The following SECISBP2 variants were observed in gnomAD, a reference collection of about 807,000 sequenced individuals.
SECISBP2 encodes SECIS binding protein 2.
In SECISBP2, 96 loss-of-function variants were observed where a neutral mutation model predicts 98.2. The observed-to-expected ratio is 0.98, with a 90% confidence interval of 0.83 to 1.16. The LOEUF (loss-of-function observed/expected upper bound fraction) is 1.16, where lower values mean the gene tolerates loss of function less well. Among genes scored for constraint, SECISBP2 ranks in the 50% most tolerant of loss-of-function variants. The pLI, the probability that SECISBP2 is intolerant of heterozygous loss-of-function variation, is 0.00. For missense variants in SECISBP2, 1,046 were observed against 1,022.9 expected (o/e 1.02, Z -0.31); for synonymous variants, 407 against 370.2 (o/e 1.10, Z -1.14).
rs149310114 is a variant in SECISBP2 at position 89,358,605 on chromosome 9, A to G, written c.2462-116A>G. 1.5e-4 allele frequency: 113 copies of G among 752,128 alleles called. 1 individual carries two copies. The East Asian group carries it at 2.8e-3, about 19-fold the overall frequency. 46.6% of individuals were successfully genotyped at this position (752,128 alleles called of 1,614,324 possible). On this transcript the variant is annotated intron_variant, in intron 16 of 16. Coordinates refer to ENST00000375807, the MANE Select transcript of SECISBP2 (RefSeq NM_024077.5). ...AATGTCTGCCAGGGCACCTCTGAGC[A>G]CCGTGAGCTGCTGGGCAGTGGCCAC...
intron 14 of SECISBP2, 139 bp from the exon 15 acceptor site, chr9:89,357,272 C>CTTGTATT: frequency 1.1e-6 from 1 of 903,742 alleles, no homozygotes; most frequent in South Asian, 1.4e-5. Flanking sequence ...TTGCTTTCTC[C>CTTGTATT]TTGTATTTTC....
At chr9:89,363,254 A>G (rs1276913617), downstream of SECISBP2, among the ~76,000 whole-genome samples, 1 of 146,896 alleles carries the variant, frequency 6.8e-6, no homozygotes, top group East Asian at 2.2e-4. Context: ...TCTCAGCAAC[A>G]AGACGTGGGA....
chr9:89,318,782 C>A, intron 1 of SECISBP2, 170 bp downstream of exon 1: 1 of 1,249,076 alleles, frequency 8.0e-7, no homozygotes, highest in Non-Finnish European at 1.0e-6. Context: ...GCCTCGGGTC[C>A]GCCTTGGGGT....
At chr9:89,338,624 G>T in intron 8 of SECISBP2, 44 bp downstream of exon 8, 2 of 1,584,624 alleles carry the variant, frequency 1.3e-6, no homozygotes, top group Non-Finnish European at 1.7e-6. Context: ...ATAATAAGTG[G>T]GTCTTTCTTA....
chr9:89,322,620 A>G (rs1355907188), intron 2 of SECISBP2: 1 of 152,242 alleles, frequency 6.6e-6, no homozygotes, highest in East Asian at 1.9e-4. Flanking sequence ...CCATCTGCCA[A>G]TATACTGTGA....
downstream of SECISBP2, chr9:89,361,460 CAAG>C (rs368738848): frequency 2.0e-5 from 3 of 152,134 alleles, no homozygotes; most frequent in African/African-American, 4.8e-5. Flanking sequence ...ATTCAACAGA[CAAG>C]AAGAGACGTG....
intron 10 of SECISBP2, among the ~76,000 whole-genome samples, chr9:89,343,056 T>A (rs984571311): frequency 3.3e-5 from 5 of 152,180 alleles, no homozygotes; most frequent in African/African-American, 9.7e-5. Context: ...TGTAGAAGTG[T>A]CCTGAGTTTC....
intron 14 of SECISBP2, chr9:89,354,803 G>T (rs916021668): frequency 1.0e-6 from 1 of 985,294 alleles, no homozygotes; most frequent in Non-Finnish European, 1.2e-6. Flanking sequence ...CCCGGGAGCT[G>T]GGGTGGACAC....
chr9:89,328,466 G>T (rs1464788771), intron 4 of SECISBP2, among the ~76,000 whole-genome samples, 194 bp from the exon 5 acceptor site: 2 of 152,202 alleles, frequency 1.3e-5, no homozygotes, highest in African/African-American at 2.4e-5. Context: ...CAACCAGAGT[G>T]ATTGATACTT....
At chr9:89,350,588 TCA>T (rs1491446593) in intron 13 of SECISBP2, 42 bp from the exon 14 acceptor site, 10 of 1,553,312 alleles carry the variant, frequency 6.4e-6, no homozygotes, top group Non-Finnish European at 8.9e-6. Flanking sequence ...TGCTGCAGTG[TCA>T]CAGCCAGTGG....
chr9:89,340,355 G>A (rs1028717130), intron 9 of SECISBP2, among the ~76,000 whole-genome samples: 2 of 152,136 alleles, frequency 1.3e-5, no homozygotes, highest in African/African-American at 4.8e-5. Context: ...GTTTTACTCT[G>A]TGAAGTCAAA....
At chr9:89,319,083 C>T in intron 1 of SECISBP2, 2 of 991,246 alleles carry the variant, frequency 2.0e-6, no homozygotes, top group Non-Finnish European at 2.4e-6. Context: ...TCTCTTACTA[C>T]GTCACTAAAA....
At chr9:89,325,837 C>G in intron 3 of SECISBP2, 60 bp from the exon 4 acceptor site, 1 of 1,609,376 alleles carries the variant, frequency 6.2e-7, no homozygotes, top group Non-Finnish European at 8.5e-7. Context: ...TATTTTGCTG[C>G]TTTAAACCTT....
At chr9:89,324,296 CAA>C (rs1826313247) in intron 2 of SECISBP2, 1 of 152,108 alleles carries the variant, frequency 6.6e-6, no homozygotes, top group Non-Finnish European at 1.5e-5. Context: ...GTTGGACAGA[CAA>C]AGGTCAGTAA....
chr9:89,351,228 A>G (rs907292508), intron 14 of SECISBP2, among the ~76,000 whole-genome samples: 1 of 152,074 alleles, frequency 6.6e-6, no homozygotes, highest in Non-Finnish European at 1.5e-5. Flanking sequence ...GCTTTCATCT[A>G]CTTGACATTT....
At chr9:89,343,276 A>G (rs1379826998) in intron 10 of SECISBP2, among the ~76,000 whole-genome samples, 1 of 152,180 alleles carries the variant, frequency 6.6e-6, no homozygotes, top group African/African-American at 2.4e-5. Context: ...GCTTTTAGAT[A>G]TGTTTCTTCC....
intron 8 of SECISBP2, among the ~76,000 whole-genome samples, chr9:89,339,320 C>T (rs1170537107): frequency 6.6e-6 from 1 of 152,230 alleles, no homozygotes; most frequent in Non-Finnish European, 1.5e-5. Flanking sequence ...GTTTGAAAAC[C>T]TACCGTGGCA....
At position 89,319,752 on chromosome 9, in the gene SECISBP2, C is replaced by G. The variant is rs1027713548; in HGVS notation, c.137C>G (p.Ser46Cys). 6.2e-7 allele frequency: 1 copy of G among 1,614,210 alleles called. No homozygotes were observed. Among genetic ancestry groups the G allele is most frequent in the Non-Finnish European group, 8.5e-7 (1 of 1,180,018 alleles). The change falls in exon 2 of 17, where the codon TCT becomes TGT. Residue 46 changes from serine to cysteine, a missense_variant. Coordinates refer to ENST00000375807, the MANE Select transcript of SECISBP2 (RefSeq NM_024077.5). ...ESSEACVFPS[S>C]AATYYPFVQE... ...TCAGAAGCATGTGTCTTCCCCAGCT[C>G]TGCAGCCACATACTATCCGTTTGTT...
intron 4 of SECISBP2, among the ~76,000 whole-genome samples, chr9:89,327,223 G>T (rs1207922186): frequency 6.6e-6 from 1 of 152,152 alleles, no homozygotes; most frequent in Non-Finnish European, 1.5e-5. Context: ...CATGAATGGA[G>T]CTGGCAGAAC....
Sources: allele counts gnomAD v4.1 joint callset (sites outside exome capture counted in the v4.1 genomes callset), GRCh38; gene constraint gnomAD v4.1.1; transcripts MANE v1.5; gene names NCBI Gene and HGNC (gene_info 2026-07-23, HGNC 2026-07-21).